Variants in VPS26C observed in about 807,000 individuals in gnomAD.
The protein encoded by VPS26C is VPS26 endosomal protein sorting factor C, also known as vacuolar protein sorting-associated protein 26C.
In VPS26C, 19 loss-of-function variants were observed where a neutral mutation model predicts 30.6. The ratio of observed to expected loss-of-function variants is 0.62; its 90% confidence interval spans 0.43 to 0.91. VPS26C has a LOEUF of 0.91. Ranked by LOEUF, VPS26C falls within the 40% of genes least tolerant of loss-of-function variation. The pLI, the probability that VPS26C is intolerant of heterozygous loss-of-function variation, is 0.00. For missense variants in VPS26C, 318 were observed against 385.1 expected (o/e 0.83, Z 1.46); for synonymous variants, 132 against 151.5 (o/e 0.87, Z 0.95).
chr21:37,232,253 A>G, intron 5 of VPS26C, 124 bp downstream of exon 5: 2 of 773,688 alleles, frequency 2.6e-6, no homozygotes, highest in Non-Finnish European at 4.4e-6. Context: ...ATTTGGGTAC[A>G]ATCAGAAATC....
chr21:37,257,048 C>T lies in VPS26C; in HGVS notation c.57+10190G>A, dbSNP rs542828037. ...TCGGGAGGCTGAGGCAGGAGAATCG[C>T]TTGAGCCTGGGAGGTGGAGGCTGCA... On this transcript the variant is annotated intron_variant, in intron 1 of 7. Coordinates refer to ENST00000309117, the MANE Select transcript of VPS26C (RefSeq NM_006052.2). The surrounding 1 kb of genome is among the most constrained non-coding windows in gnomAD (Gnocchi z 4.2). Among the ~76,000 whole-genome samples the T allele has an allele frequency of 6.6e-6, 1 of 152,242 alleles. No homozygotes were observed. Among genetic ancestry groups the T allele is most frequent in the East Asian group, 1.9e-4 (1 of 5,184 alleles).
intron 1 of VPS26C, among the ~76,000 whole-genome samples, chr21:37,256,278 A>G (rs1351694017): frequency 6.6e-6 from 1 of 152,246 alleles, no homozygotes; most frequent in African/African-American, 2.4e-5. Context: ...TTACAAGAGA[A>G]CCACTGGCCG....
Position 37,228,360 on chromosome 21 carries a change from G to A in VPS26C, c.521C>T (p.Pro174Leu). 1 of 1,614,088 alleles carries A rather than the reference G, an allele frequency of 6.2e-7. No homozygotes were observed. The highest frequency in any genetic ancestry group is 8.5e-7 in the Non-Finnish European group (1 of 1,180,038). Residue 174 changes from proline to leucine, a missense_variant, in exon 6 of 8, where the codon CCC (proline) becomes CTC (leucine). Pro to Leu is a moderately conservative substitution (Grantham distance 98). Coordinates refer to ENST00000309117, the MANE Select transcript of VPS26C (RefSeq NM_006052.2). ...LQNVKERALL[P>L]KFLLRGHLNS... ...GAGATGTCCTCGAAGGAGAAATTTG[G>A]GAAGCAAAGCTCTCTAAAACAAAAT...
At position 37,224,109 on chromosome 21, in the gene VPS26C, C is replaced by A. The variant is rs548422872; in HGVS notation, c.*1435G>T. The A allele has an allele frequency of 2.0e-5, 3 of 152,370 alleles. No individual in the cohort carries two copies. Among genetic ancestry groups the A allele is most frequent in the African/African-American group, 4.8e-5 (2 of 41,580 alleles). 9.4% of individuals were successfully genotyped at this position (152,370 alleles called of 1,614,324 possible). On this transcript the variant is annotated 3_prime_UTR_variant, in exon 8 of 8. Coordinates refer to ENST00000309117, the MANE Select transcript of VPS26C (RefSeq NM_006052.2). ...TCATCAAGTCAAGGACCTTTTCCTG[C>A]TACCACCTTGCGGAGAGGGGCCTTC... is the stretch of plus-strand genomic sequence containing the variant.
chr21:37,261,176 G>A (rs1051725317), intron 1 of VPS26C: 3 of 152,228 alleles, frequency 2.0e-5, no homozygotes, highest in Admixed American at 6.5e-5. Flanking sequence ...TACACAAAAT[G>A]TGTTTGTAAA....
chr21:37,239,390 A>C (rs1795956709), intron 2 of VPS26C, among the ~76,000 whole-genome samples: 1 of 152,242 alleles, frequency 6.6e-6, no homozygotes. Context: ...TATGTCCTTC[A>C]GGAAAAGGCA....
At chr21:37,262,516 A>T (rs2086315294) in intron 1 of VPS26C, among the ~76,000 whole-genome samples, 1 of 152,234 alleles carries the variant, frequency 6.6e-6, no homozygotes, top group African/African-American at 2.4e-5. Context: ...AACCCTCATG[A>T]GATCAACATA....
chr21:37,258,321 G>A (rs1394682352), intron 1 of VPS26C, among the ~76,000 whole-genome samples: 2 of 151,946 alleles, frequency 1.3e-5, no homozygotes, highest in East Asian at 2.0e-4. Flanking sequence ...AAGCGTCTCC[G>A]TGCCCTGCCA....
intron 1 of VPS26C, among the ~76,000 whole-genome samples, chr21:37,264,564 T>C (rs2148313757): frequency 6.6e-6 from 1 of 152,330 alleles, no homozygotes; most frequent in South Asian, 2.1e-4. Context: ...GTTAATGAAA[T>C]AATGAATACT....
intron 3 of VPS26C, among the ~76,000 whole-genome samples, chr21:37,234,354 T>G (rs550222221): frequency 2.6e-5 from 4 of 152,360 alleles, no homozygotes; most frequent in South Asian, 4.1e-4. Context: ...TCCATTTCTC[T>G]GCTGTCCCTA....
In VPS26C at chr21:37,252,108, T is replaced by C. The variant is rs532432270; in HGVS notation, c.58-11469A>G. On this transcript the variant is annotated intron_variant, in intron 1 of 7. Transcript: ENST00000309117. ...AAGATCCGGTACACCTATAGTGAGA[T>C]GCCTTTTTATTTACCAATGAGGACC... Among the ~76,000 whole-genome samples the C allele has an allele frequency of 7.2e-5, 11 of 152,354 alleles. No individual in the cohort carries two copies. In the South Asian group the frequency reaches 2.3e-3, roughly 32 times the overall value.
intron 5 of VPS26C, chr21:37,228,927 G>GGAGGCA (rs201249615): frequency 0.024 from 3,677 of 152,492 alleles, 143 homozygotes; most frequent in African/African-American, 0.085. Context: ...CAGTTACGTG[G>GGAGGCA]GAGGCAGAGG....
At chr21:37,236,076 T>TA (rs1462938388) in intron 3 of VPS26C, among the ~76,000 whole-genome samples, 1 of 152,126 alleles carries the variant, frequency 6.6e-6, no homozygotes, top group Non-Finnish European at 1.5e-5. Flanking sequence ...TTTACCGTTT[T>TA]AGATTGTTAC....
At position 37,255,851 on chromosome 21, in the gene VPS26C, A is replaced by ATT. The variant is rs375877407; in HGVS notation, c.57+11385_57+11386dup. ...TTTAAAGCCTCATTCTATGCACTGC[A>ATT]TTTTTTTTTTTTTTTTTTTTTAGAT... On this transcript the variant is annotated intron_variant, in intron 1 of 7. Coordinates refer to ENST00000309117, the MANE Select transcript of VPS26C (RefSeq NM_006052.2). 1.4e-3 allele frequency among the ~76,000 whole-genome samples: 148 copies of ATT among 108,454 alleles called. 10 individuals are homozygous for ATT. Among genetic ancestry groups the ATT allele is most frequent in the African/African-American group, 5.9e-3 (130 of 21,884 alleles). The allele number at this position is 108,454 out of a possible 152,430, so 71.2% of individuals were successfully genotyped here. A position where few individuals can be genotyped will look rare whatever the true frequency, so the allele number is the denominator to read the frequency against.
At chr21:37,241,543 C>T (rs989992286) in intron 1 of VPS26C, among the ~76,000 whole-genome samples, 4 of 152,094 alleles carry the variant, frequency 2.6e-5, no homozygotes, top group South Asian at 2.1e-4. Context: ...TCAGGCTGGG[C>T]GTGGTGGCTC....
At position 37,225,352 on chromosome 21, in the gene VPS26C, T is replaced by C. The variant is rs547599202; in HGVS notation, c.*192A>G. On this transcript the variant is annotated 3_prime_UTR_variant, in exon 8 of 8. Coordinates refer to ENST00000309117, the MANE Select transcript of VPS26C (RefSeq NM_006052.2). The stretch of plus-strand genomic sequence containing the variant: ...TTGAATTTCAAAGAAAAGGTCTGAT[T>C]AGAGGTGCCTGTTGGAAGCAGAAGC... 111 of 602,572 alleles carry C rather than the reference T, an allele frequency of 1.8e-4. No individual in the cohort carries two copies. Among genetic ancestry groups the C allele is most frequent in the South Asian group, 1.5e-3 (78 of 50,676 alleles). The allele number at this position is 602,572 out of a possible 1,614,324, so 37.3% of individuals were successfully genotyped here. A position where few individuals can be genotyped will look rare whatever the true frequency, so the allele number is the denominator to read the frequency against.
chr21:37,244,722 C>A (rs918238467), intron 1 of VPS26C, among the ~76,000 whole-genome samples: 3 of 152,152 alleles, frequency 2.0e-5, no homozygotes, highest in African/African-American at 7.2e-5. Flanking sequence ...ACTGCATTTT[C>A]GGCGAGGCAA....
chr21:37,244,401 C>A (rs1048576424), intron 1 of VPS26C, among the ~76,000 whole-genome samples: 1 of 152,220 alleles, frequency 6.6e-6, no homozygotes, highest in African/African-American at 2.4e-5. Flanking sequence ...CCACACCCAG[C>A]TAATTTTTTG....
chr21:37,267,695 G>T, upstream of VPS26C: 1 of 275,830 alleles, frequency 3.6e-6, no homozygotes, highest in South Asian at 4.1e-5. Context: ...CCTGTCTGTC[G>T]GTTGCAGCCT....
Sources: gnomAD v4.1 joint callset for allele counts (sites outside exome capture counted in the v4.1 genomes callset) on GRCh38, gnomAD v4.1.1 for gene constraint, Gnocchi (gnomAD v3.1) non-coding constraint, MANE v1.5 for transcripts, NCBI Gene and HGNC (gene_info 2026-07-23, HGNC 2026-07-21) for gene names.